The following TMPRSS3 variants were observed in gnomAD, a reference collection of about 807,000 sequenced individuals.
TMPRSS3 encodes transmembrane serine protease 3, also known as transmembrane protease serine 3.
TMPRSS3 carries 55 observed loss-of-function variants against 59.6 expected under a neutral mutation model. The observed-to-expected ratio is 0.92, with a 90% CI of 0.74 to 1.16. TMPRSS3 has a LOEUF of 1.16. Among genes scored for constraint, TMPRSS3 ranks in the 50% most tolerant of loss-of-function variants. TMPRSS3 has a pLI of 0.00. For synonymous variants in TMPRSS3, 257 were observed against 237.7 expected (o/e 1.08, Z -0.75); for missense variants, 596 against 579.4 (o/e 1.03, Z -0.29).
chr21:42,378,128 C>T (rs2052461328), intron 10 of TMPRSS3, among the ~76,000 whole-genome samples: 1 of 152,260 alleles, frequency 6.6e-6, no homozygotes, highest in African/African-American at 2.4e-5. Flanking sequence ...CTGGACCAGC[C>T]ACACTGGCAC....
intron 2 of TMPRSS3, among the ~76,000 whole-genome samples, chr21:42,394,072 A>G (rs1277202484): frequency 6.6e-6 from 1 of 152,192 alleles, no homozygotes; most frequent in Non-Finnish European, 1.5e-5. Context: ...CGTCGTGGGT[A>G]ATTTTTAAAA....
intron 7 of TMPRSS3, 137 bp downstream of exon 7, chr21:42,383,833 G>A (rs760972634): frequency 1.1e-6 from 1 of 875,156 alleles, no homozygotes; most frequent in Non-Finnish European, 1.9e-6. Context: ...CAGCAGGTAG[G>A]GGTACACAGA....
intron 5 of TMPRSS3, among the ~76,000 whole-genome samples, chr21:42,387,756 C>T (rs574396903): frequency 1.3e-5 from 2 of 152,176 alleles, no homozygotes; most frequent in South Asian, 4.2e-4. Context: ...GCTAGGGGAA[C>T]CCGTGGAAGT....
At chr21:42,385,056 C>A in intron 6 of TMPRSS3, among the ~76,000 whole-genome samples, 1 of 116,448 alleles carries the variant, frequency 8.6e-6, no homozygotes, top group Non-Finnish European at 1.8e-5. Flanking sequence ...TCCCTTCCTT[C>A]CTCCCTCCCT....
rs757529665 is a variant in TMPRSS3 at position 42,376,648 on chromosome 21, G to T, written c.1084C>A (p.Pro362Thr). 22 of 1,614,016 alleles carry T rather than the reference G, an allele frequency of 1.4e-5. No individual in the cohort carries two copies. The highest frequency in any genetic ancestry group is 1.9e-5 in the Non-Finnish European group (22 of 1,180,042). Residue 362 changes from proline to threonine, a missense_variant, in exon 11 of 13, where the codon CCT becomes ACT. Physicochemically the swap from Pro to Thr is conservative, Grantham distance 38. Transcript: ENST00000644384. The stretch of plus-strand genomic sequence containing the variant: ...TTGCAGATCTTGTTGGAAATCAAAG[G>T]GACGGCCGCGTGGTTCAGGACAGGG... Reference protein sequence around the residue: ...ASPVLNHAAVPLISNKICNHR... With the variant: ...ASPVLNHAAVTLISNKICNHR...
At chr21:42,375,604 T>C in intron 12 of TMPRSS3, 112 bp downstream of exon 12, 1 of 1,404,136 alleles carries the variant, frequency 7.1e-7, no homozygotes, top group South Asian at 1.2e-5. Flanking sequence ...GCTGCTGAAT[T>C]GACAACCACT....
Position 42,385,653 on chromosome 21 carries a change from C to T in TMPRSS3, c.447-119G>A, listed in dbSNP as rs2052623473. Reference sequence around the variant, plus strand: ...CATGGGGGATGTCATTTTGTCCCCCCAAACCCATCAAAGGCTTCCTTTGCC... The same window carrying T: ...CATGGGGGATGTCATTTTGTCCCCCTAAACCCATCAAAGGCTTCCTTTGCC... On this transcript the variant is annotated intron_variant, in intron 5 of 12. Transcript: ENST00000644384. The T allele has an allele frequency of 2.0e-5, 26 of 1,309,146 alleles. No individual in the cohort carries two copies. In the South Asian group the frequency reaches 3.1e-4, roughly 16 times the overall value. 81.1% of individuals were successfully genotyped at this position (1,309,146 alleles called of 1,614,324 possible).
Position 42,375,888 on chromosome 21 carries a change from C to T in TMPRSS3, c.1192-20G>A, listed in dbSNP as rs914641251. On this transcript the variant is annotated intron_variant, in intron 11 of 12. Transcript: ENST00000644384. ...GTCCCCCTGGGTGACAGGAAAGAAG[C>T]AAAGATTGGGGGACAGTCACCGCCA... is the stretch of plus-strand genomic sequence containing the variant. The T allele has an allele frequency of 4.3e-6, 7 of 1,612,962 alleles. No individual in the cohort carries two copies. The highest frequency in any genetic ancestry group is 5.9e-6 in the Non-Finnish European group (7 of 1,179,986).
chr21:42,383,693 G>A (rs2052575340), intron 7 of TMPRSS3: 1 of 654,880 alleles, frequency 1.5e-6, no homozygotes, highest in Non-Finnish European at 2.9e-6. Flanking sequence ...CTGAGTCAGG[G>A]ACTCAAGGCT....
Position 42,382,047 on chromosome 21 carries a change from A to T in TMPRSS3, c.952+18T>A. ...AACAAAGGAAGAGCTGCAGAACCAC[A>T]TAGAGACCCAGATGTACCATTGAAC... On this transcript the variant is annotated intron_variant, in intron 9 of 12. Coordinates refer to ENST00000644384, the MANE Select transcript of TMPRSS3 (RefSeq NM_001256317.3). 6.2e-7 allele frequency: 1 copy of T among 1,614,244 alleles called. No homozygotes were observed. The highest frequency in any genetic ancestry group is 8.5e-7 in the Non-Finnish European group (1 of 1,180,052).
rs2146414901 is a variant in TMPRSS3 at position 42,372,555 on chromosome 21, A to T, written c.*207T>A. On this transcript the variant is annotated 3_prime_UTR_variant, in exon 13 of 13. Transcript: ENST00000644384. ...AGCCTGGGCAACAGAGCGAGACTCC[A>T]TCTCAAAAAAACAAAAAACAAAAAG... 2.9e-6 allele frequency: 2 copies of T among 699,592 alleles called. No homozygotes were observed. Among genetic ancestry groups the T allele is most frequent in the Non-Finnish European group, 5.3e-6 (2 of 379,504 alleles). 43.3% of individuals were successfully genotyped at this position (699,592 alleles called of 1,614,324 possible).
At chr21:42,389,304 G>C (rs911119542) in intron 3 of TMPRSS3, among the ~76,000 whole-genome samples, 6 of 152,226 alleles carry the variant, frequency 3.9e-5, no homozygotes, top group African/African-American at 1.4e-4. Context: ...AGACTCTGGA[G>C]GTCTCAAGGT....
At position 42,375,732 on chromosome 21, in the gene TMPRSS3, A is replaced by G; in HGVS notation, c.1328T>C (p.Ile443Thr). Residue 443 changes from isoleucine (I) to threonine (T), a missense_variant, in exon 12 of 13, where the codon ATC becomes ACC. Transcript: ENST00000644384. ...YTRVTSFLDW[I>T]HEQMERDLKT ...CGCACCCACCTCCATCTGCTCGTGG[A>G]TCCAGTCCAGGAAGGAGGTGACACG... 6.2e-7 allele frequency: 1 copy of G among 1,613,732 alleles called. No homozygotes were observed. The highest frequency in any genetic ancestry group is 8.5e-7 in the Non-Finnish European group (1 of 1,180,014).
chr21:42,382,920 A>T (rs2146435859), intron 8 of TMPRSS3, 113 bp downstream of exon 8: 1 of 1,271,300 alleles, frequency 7.9e-7, no homozygotes, highest in African/African-American at 1.5e-5. Flanking sequence ...CATTACTTGG[A>T]GGTTAGTCTC....
At chr21:42,385,596 G>A (rs767968226) in intron 5 of TMPRSS3, 62 bp from the exon 6 acceptor site, 246 of 1,597,356 alleles carry the variant, frequency 1.5e-4, no homozygotes, top group Admixed American at 4.8e-4. Context: ...GCATTCAACC[G>A]ATGTGCGAGT....
intron 2 of TMPRSS3, among the ~76,000 whole-genome samples, chr21:42,391,601 A>G (rs544024039): frequency 2.6e-5 from 4 of 152,332 alleles, no homozygotes; most frequent in Non-Finnish European, 5.9e-5. Flanking sequence ...ACTCTGGGAT[A>G]TGCAGCAGCA....
At chr21:42,382,383 G>A (rs1462822165) in intron 8 of TMPRSS3, 149 bp from the exon 9 acceptor site, 21 of 728,222 alleles carry the variant, frequency 2.9e-5, no homozygotes, top group Non-Finnish European at 4.8e-5. Flanking sequence ...TGCTGTATAT[G>A]CAACTGCACT....
At position 42,372,092 on chromosome 21, in the gene TMPRSS3, A is replaced by C. The variant is rs551632669; in HGVS notation, c.*670T>G. ...AAACGTGCAGTGACTGCAGTTCTGC[A>C]CTTCTGGGCTGGTGCGTCTTTTCTG... On this transcript the variant is annotated 3_prime_UTR_variant, in exon 13 of 13. Transcript: ENST00000644384. 1 of 454,330 alleles carries C rather than the reference A, an allele frequency of 2.2e-6. No homozygotes were observed. Among genetic ancestry groups the C allele is most frequent in the Non-Finnish European group, 4.4e-6 (1 of 226,794 alleles). The allele number at this position is 454,330 out of a possible 1,614,324, so 28.1% of individuals were successfully genotyped here.
At chr21:42,373,438 C>G (rs1398899441) in intron 12 of TMPRSS3, among the ~76,000 whole-genome samples, 1 of 152,190 alleles carries the variant, frequency 6.6e-6, no homozygotes, top group African/African-American at 2.4e-5. Flanking sequence ...GCCAGCGTCA[C>G]AGACGAGCTC....
Sources: gnomAD v4.1 joint callset for allele counts (sites outside exome capture counted in the v4.1 genomes callset) on GRCh38, gnomAD v4.1.1 for gene constraint, MANE v1.5 for transcripts, NCBI Gene and HGNC (gene_info 2026-07-23, HGNC 2026-07-21) for gene names.